The following MIPOL1 variants were observed in gnomAD, a reference collection of about 807,000 sequenced individuals.
MIPOL1 encodes mirror-image polydactyly gene 1 protein.
In MIPOL1, 57 loss-of-function variants were observed where a neutral mutation model predicts 60.9. The ratio of observed to expected loss-of-function variants is 0.94; its 90% CI spans 0.76 to 1.17. MIPOL1 has a LOEUF of 1.17. Among genes scored for constraint, MIPOL1 ranks in the 50% most tolerant of loss-of-function variants. MIPOL1 has a pLI of 0.00. For synonymous variants in MIPOL1, 179 were observed against 168.8 expected, an observed-to-expected ratio of 1.06 and a Z score of -0.47; for missense variants, 551 against 511.6, an observed-to-expected ratio of 1.08 and a Z score of -0.74.
intron 9 of MIPOL1, among the ~76,000 whole-genome samples, chr14:37,326,795 C>A (rs2089204017): frequency 6.6e-6 from 1 of 152,190 alleles, no homozygotes. Flanking sequence ...ATCCTGTCCA[C>A]TTGATTATTA....
intron 9 of MIPOL1, among the ~76,000 whole-genome samples, chr14:37,315,834 T>G (rs1422646025): frequency 6.6e-6 from 1 of 152,022 alleles, no homozygotes; most frequent in African/African-American, 2.4e-5. Flanking sequence ...TAGATGAAAC[T>G]GGGGAAAGCT....
intron 9 of MIPOL1, among the ~76,000 whole-genome samples, chr14:37,356,645 A>G (rs977957681): frequency 2.0e-5 from 3 of 152,174 alleles, no homozygotes; most frequent in South Asian, 4.1e-4. Flanking sequence ...AAAGCGCAGT[A>G]TTCGGGTGGG....
intron 11 of MIPOL1, among the ~76,000 whole-genome samples, chr14:37,481,751 G>C (rs1327511105): frequency 6.6e-6 from 1 of 152,102 alleles, no homozygotes; most frequent in Non-Finnish European, 1.5e-5. Context: ...ATTGACCAAT[G>C]CAACAGAATA....
intron 9 of MIPOL1, among the ~76,000 whole-genome samples, chr14:37,365,692 G>C (rs1410167358): frequency 6.6e-6 from 1 of 151,996 alleles, no homozygotes; most frequent in Non-Finnish European, 1.5e-5. Context: ...TCTTGGTCTT[G>C]TTTTGGTATT....
At position 37,529,643 on chromosome 14, in the gene MIPOL1, G is replaced by C. The variant is rs187585238; in HGVS notation, c.1263-17262G>C. On this transcript the variant is annotated intron_variant, in intron 12 of 12. Transcript: ENST00000684589. Reference sequence around the variant, plus strand: ...AGTTGTTCAGTACAGGTAATACGGCGACAAGGAAGGCTTCAAGGAAATTTA... The same window carrying C: ...AGTTGTTCAGTACAGGTAATACGGCCACAAGGAAGGCTTCAAGGAAATTTA... 4.6e-5 allele frequency among the ~76,000 whole-genome samples: 7 copies of C among 152,242 alleles called. No individual in the cohort carries two copies. In the East Asian group the frequency reaches 1.2e-3, roughly 25 times the overall value.
chr14:37,411,158 G>A (rs1239912756), intron 10 of MIPOL1, among the ~76,000 whole-genome samples: 1 of 152,066 alleles, frequency 6.6e-6, no homozygotes, highest in Non-Finnish European at 1.5e-5. Flanking sequence ...TGCTGTTATA[G>A]CTATATTAAC....
chr14:37,333,745 C>T (rs1444382664), intron 9 of MIPOL1, among the ~76,000 whole-genome samples: 3 of 151,896 alleles, frequency 2.0e-5, no homozygotes, highest in Non-Finnish European at 4.4e-5. Flanking sequence ...ACTGAGAGAA[C>T]TAAGGGAAGA....
At chr14:37,384,102 G>A (rs572718287) in intron 10 of MIPOL1, among the ~76,000 whole-genome samples, 2 of 152,016 alleles carry the variant, frequency 1.3e-5, no homozygotes, top group Admixed American at 6.6e-5. Flanking sequence ...TATAATACCA[G>A]AGTATAGTGG....
At chr14:37,323,727 A>G (rs1345898411) in intron 9 of MIPOL1, among the ~76,000 whole-genome samples, 3 of 152,062 alleles carry the variant, frequency 2.0e-5, no homozygotes, top group African/African-American at 7.2e-5. Flanking sequence ...ACACATTTCC[A>G]TAGCCTTAGA....
At chr14:37,303,599 A>C (rs376259113) in intron 7 of MIPOL1, among the ~76,000 whole-genome samples, 1 of 151,702 alleles carries the variant, frequency 6.6e-6, no homozygotes, top group African/African-American at 2.4e-5. Context: ...GTGTTCCTTG[A>C]GACAGAATCT....
chr14:37,264,855 G>T (rs1331295041), intron 3 of MIPOL1, among the ~76,000 whole-genome samples: 1 of 152,118 alleles, frequency 6.6e-6, no homozygotes, highest in Non-Finnish European at 1.5e-5. Context: ...TGAAATCTTT[G>T]ATGTTTGGCT....
Position 37,516,724 on chromosome 14 carries a change from C to A in MIPOL1, c.1262+16586C>A, listed in dbSNP as rs541404806. 4.6e-5 allele frequency among the ~76,000 whole-genome samples: 7 copies of A among 152,200 alleles called. No individual in the cohort carries two copies. The South Asian group carries it at 1.5e-3, about 32-fold the overall frequency. ...ATTGCTTATGTATTAAAAGATAATT[C>A]ATTGTGTTTAATCTGTTACTTATTT... On this transcript the variant is annotated intron_variant, in intron 12 of 12. Coordinates refer to ENST00000684589, the MANE Select transcript of MIPOL1 (RefSeq NM_001388067.1).
At chr14:37,264,583 G>A (rs952598419) in intron 3 of MIPOL1, among the ~76,000 whole-genome samples, 5 of 151,966 alleles carry the variant, frequency 3.3e-5, no homozygotes, top group African/African-American at 1.2e-4. Flanking sequence ...AGCCATGATT[G>A]TGCTACTGCA....
chr14:37,349,826 T>TA (rs1426456750), intron 9 of MIPOL1, among the ~76,000 whole-genome samples: 22 of 152,306 alleles, frequency 1.4e-4, no homozygotes, highest in Admixed American at 1.4e-3. Flanking sequence ...CCTAGCTTCT[T>TA]AGATGCTGTA....
chr14:37,513,294 T>C (rs966305206), intron 12 of MIPOL1, among the ~76,000 whole-genome samples: 6 of 152,174 alleles, frequency 3.9e-5, no homozygotes, highest in African/African-American at 1.4e-4. Context: ...AATTGCATTA[T>C]ATGCTTGTAG....
intron 3 of MIPOL1, among the ~76,000 whole-genome samples, chr14:37,256,568 A>G (rs1021328622): frequency 1.3e-5 from 2 of 152,026 alleles, no homozygotes; most frequent in African/African-American, 4.8e-5. Context: ...AGTTAAAAAA[A>G]GTAATGATTA....
Position 37,318,721 on chromosome 14 carries a change from A to G in MIPOL1, c.828+10202A>G, listed in dbSNP as rs182390296. ...TTTTTCAATACATATTGTATTGTAT[A>G]TACTACTTTGTAGCCTGATTTTTCA... On this transcript the variant is annotated intron_variant, in intron 9 of 12. Transcript: ENST00000684589. Among the ~76,000 whole-genome samples, 160 of 152,260 alleles carry G rather than the reference A, an allele frequency of 1.1e-3. 1 individual carries two copies. Among genetic ancestry groups the G allele is most frequent in the Admixed American group, 2.6e-3 (39 of 15,270 alleles).
intron 12 of MIPOL1, chr14:37,501,556 A>C (rs1384028288): frequency 3.3e-5 from 5 of 152,198 alleles, no homozygotes; most frequent in Non-Finnish European, 5.9e-5. Flanking sequence ...TAAAAAAACA[A>C]TTTTTATACA....
At chr14:37,379,367 G>GA (rs1446263094) in intron 10 of MIPOL1, among the ~76,000 whole-genome samples, 6 of 151,948 alleles carry the variant, frequency 3.9e-5, no homozygotes, top group Admixed American at 1.3e-4. Flanking sequence ...ACTCCTAGAA[G>GA]AAAAAACATA....
Sources: gnomAD v4.1 joint callset for allele counts (sites outside exome capture counted in the v4.1 genomes callset) on GRCh38, gnomAD v4.1.1 for gene constraint, MANE v1.5 for transcripts, NCBI Gene and HGNC (gene_info 2026-07-23, HGNC 2026-07-21) for gene names.